DENND1B: variants seen among roughly 807,000 people sequenced by gnomAD.
DENND1B encodes the protein DENN domain-containing protein 1B.
A neutral mutation model predicts 90.1 loss-of-function variants in DENND1B; 59 were observed. That is an observed-to-expected ratio of 0.65 (90% CI 0.53 to 0.81). The LOEUF (loss-of-function observed/expected upper bound fraction) is 0.81. DENND1B is among the 40% of genes least tolerant of loss of function. DENND1B has a pLI of 0.00. For synonymous variants in DENND1B, 337 were observed against 324.6 expected, an observed-to-expected ratio of 1.04 and a Z score of -0.41; for missense variants, 862 against 912.6, an observed-to-expected ratio of 0.94 and a Z score of 0.71.
At chr1:197,731,347 A>G (rs569934257) in intron 2 of DENND1B, among the ~76,000 whole-genome samples, 6 of 152,288 alleles carry the variant, frequency 3.9e-5, no homozygotes, top group South Asian at 2.1e-4. Context: ...ATATGCTTAT[A>G]TTTGTTGTAT....
At chr1:197,554,636 G>A (rs1671546887) in intron 15 of DENND1B, among the ~76,000 whole-genome samples, 2 of 151,618 alleles carry the variant, frequency 1.3e-5, no homozygotes, top group Non-Finnish European at 2.9e-5. Flanking sequence ...TCAAGAGATC[G>A]AGACCATCCT....
At chr1:197,518,792 T>C (rs1668572547) in intron 20 of DENND1B, among the ~76,000 whole-genome samples, 1 of 151,864 alleles carries the variant, frequency 6.6e-6, no homozygotes. Flanking sequence ...ACAGTCTTCT[T>C]TTTGTGACTA....
At chr1:197,519,954 G>T (rs1668658211) in intron 20 of DENND1B, among the ~76,000 whole-genome samples, 1 of 151,578 alleles carries the variant, frequency 6.6e-6, no homozygotes, top group African/African-American at 2.4e-5. Flanking sequence ...AATTCAAGGG[G>T]GATTATAATA....
chr1:197,544,775 G>C (rs977311251), intron 18 of DENND1B, among the ~76,000 whole-genome samples: 3 of 143,530 alleles, frequency 2.1e-5, no homozygotes, highest in Non-Finnish European at 3.1e-5. Context: ...AGAGGACGAG[G>C]AGGAGGAAGA....
At chr1:197,592,539 C>T (rs1200146673) in intron 14 of DENND1B, among the ~76,000 whole-genome samples, 1 of 152,172 alleles carries the variant, frequency 6.6e-6, no homozygotes, top group Admixed American at 6.5e-5. Flanking sequence ...ACACAAACTA[C>T]AGCTTCCAGG....
At chr1:197,696,823 GA>G (rs1434455937) in intron 3 of DENND1B, among the ~76,000 whole-genome samples, 1 of 148,754 alleles carries the variant, frequency 6.7e-6, no homozygotes, top group Non-Finnish European at 1.5e-5. Flanking sequence ...TGTGGAGATT[GA>G]AAAATGAGAA....
At chr1:197,682,038 G>A (rs559188655) in intron 3 of DENND1B, among the ~76,000 whole-genome samples, 4 of 151,222 alleles carry the variant, frequency 2.6e-5, no homozygotes, top group African/African-American at 7.3e-5. Context: ...TTGTTTTCCC[G>A]AAATAGTAAA....
rs116234761 is a variant in DENND1B, at chr1:197,772,754, A to G, written c.82+114T>C. 2,435 of 834,496 alleles carry G rather than the reference A, an allele frequency of 2.9e-3. 42 individuals carry two copies. In the African/African-American group the frequency reaches 0.038, roughly 13 times the overall value. 51.7% of individuals were successfully genotyped at this position (834,496 alleles called of 1,614,324 possible). On this transcript the variant is annotated intron_variant, in intron 2 of 22. Coordinates refer to ENST00000620048, the MANE Select transcript of DENND1B (RefSeq NM_001195215.2). ...GTGGGAGGATCACCTGAACCCGGGA[A>G]GGAGAGGTTGTGGTGAGCCCTGATC...
intron 14 of DENND1B, among the ~76,000 whole-genome samples, chr1:197,588,755 T>G (rs980861605): frequency 2.0e-5 from 3 of 152,276 alleles, no homozygotes; most frequent in African/African-American, 7.2e-5. Flanking sequence ...CATGTCCCAA[T>G]GCTATTATTA....
chr1:197,732,179 T>C (rs1330625306), intron 2 of DENND1B, among the ~76,000 whole-genome samples: 1 of 152,168 alleles, frequency 6.6e-6, no homozygotes, highest in Non-Finnish European at 1.5e-5. Context: ...ATGCCATCCT[T>C]CTATACTTCT....
chr1:197,635,304 C>A (rs1679687701), intron 10 of DENND1B, among the ~76,000 whole-genome samples: 1 of 151,998 alleles, frequency 6.6e-6, no homozygotes, highest in South Asian at 2.1e-4. Flanking sequence ...CATACATGAA[C>A]ACACCCACAG....
At chr1:197,528,532 A>T (rs1669306981) in intron 20 of DENND1B, among the ~76,000 whole-genome samples, 1 of 152,214 alleles carries the variant, frequency 6.6e-6, no homozygotes, top group African/African-American at 2.4e-5. Context: ...TATAATGGAT[A>T]AAAATATAAA....
At chr1:197,695,861 A>C (rs1341259632) in intron 3 of DENND1B, among the ~76,000 whole-genome samples, 1 of 151,300 alleles carries the variant, frequency 6.6e-6, no homozygotes, top group Non-Finnish European at 1.5e-5. Context: ...TGATGCAAGA[A>C]GCAAAATTAT....
At chr1:197,628,419 A>G (rs1044601610) in intron 10 of DENND1B, among the ~76,000 whole-genome samples, 4 of 152,186 alleles carry the variant, frequency 2.6e-5, no homozygotes, top group Admixed American at 6.5e-5. Flanking sequence ...AAAACAAGCA[A>G]TGGGGAAACG....
intron 2 of DENND1B, chr1:197,734,997 A>T: frequency 1.0e-6 from 1 of 985,970 alleles, no homozygotes; most frequent in Non-Finnish European, 1.2e-6. Context: ...ATAAGTAAGA[A>T]CTGGCAGAAA....
At chr1:197,570,983 T>C (rs1439153073) in intron 15 of DENND1B, among the ~76,000 whole-genome samples, 1 of 152,182 alleles carries the variant, frequency 6.6e-6, no homozygotes, top group Admixed American at 6.5e-5. Flanking sequence ...ATTTAAAATG[T>C]CAATATAAAA....
chr1:197,648,025 G>A (rs764417964), intron 7 of DENND1B, among the ~76,000 whole-genome samples: 9 of 151,648 alleles, frequency 5.9e-5, no homozygotes, highest in Non-Finnish European at 1.2e-4. Context: ...TAATTCAAGT[G>A]TGTATAAGAA....
chr1:197,746,871 T>C (rs1663807950), intron 2 of DENND1B: 2 of 1,612,310 alleles, frequency 1.2e-6, no homozygotes, highest in Middle Eastern at 2.0e-4. Flanking sequence ...TTTACAAAGT[T>C]GTGGCAGGCA....
chr1:197,729,035 C>A (rs117053909), intron 2 of DENND1B, among the ~76,000 whole-genome samples: 4 of 152,078 alleles, frequency 2.6e-5, no homozygotes, highest in African/African-American at 9.7e-5. Context: ...ACACATGCTG[C>A]ACCCCCTTCT....
Sources: gnomAD v4.1 joint callset for allele counts (sites outside exome capture counted in the v4.1 genomes callset) on GRCh38, gnomAD v4.1.1 for gene constraint, MANE v1.5 for transcripts, NCBI Gene and HGNC (gene_info 2026-07-23, HGNC 2026-07-21) for gene names.